The following KIAA1217 variants were observed in gnomAD, a reference collection of about 807,000 sequenced individuals.
The protein encoded by KIAA1217 is KIAA1217.
KIAA1217 carries 88 observed loss-of-function variants against 163.9 expected under a neutral mutation model. The ratio of observed to expected loss-of-function variants is 0.54; its 90% CI spans 0.45 to 0.64. The LOEUF (loss-of-function observed/expected upper bound fraction) is 0.64. Among genes scored for constraint, KIAA1217 ranks in the 30% least tolerant of loss-of-function variants. KIAA1217 has a pLI of 0.00. For synonymous variants in KIAA1217, 903 were observed against 923.1 expected (o/e 0.98, Z 0.39); for missense variants, 2,372 against 2,475.0 (o/e 0.96, Z 0.88).
intron 1 of KIAA1217, among the ~76,000 whole-genome samples, chr10:24,216,019 G>A (rs767780082): frequency 2.6e-5 from 4 of 152,162 alleles, no homozygotes; most frequent in East Asian, 1.9e-4. Flanking sequence ...ATCAATCCTT[G>A]TTAAGCAACT....
chr10:24,355,909 C>T (rs559824438), intron 2 of KIAA1217, among the ~76,000 whole-genome samples: 13 of 151,192 alleles, frequency 8.6e-5, no homozygotes, highest in East Asian at 5.9e-4. Flanking sequence ...CCACCACGCC[C>T]GGCTAATTTT....
chr10:23,863,012 C>T (rs960896845), intron 1 of KIAA1217, among the ~76,000 whole-genome samples: 7 of 152,206 alleles, frequency 4.6e-5, no homozygotes, highest in African/African-American at 1.4e-4. Flanking sequence ...AGATTCTTAG[C>T]GACCCTTAAT....
chr10:23,938,943 T>C (rs1308219740), intron 1 of KIAA1217, among the ~76,000 whole-genome samples: 3 of 152,118 alleles, frequency 2.0e-5, no homozygotes, highest in Non-Finnish European at 4.4e-5. Context: ...AATCCAAAAA[T>C]AACACAGAAG....
At chr10:24,544,862 C>T in intron 19 of KIAA1217, 119 bp from the exon 20 acceptor site, 4 of 1,093,614 alleles carry the variant, frequency 3.7e-6, no homozygotes, top group Non-Finnish European at 5.4e-6. Context: ...TAGATCTGTC[C>T]TGCATGTAGG....
chr10:24,286,223 A>C (rs2078526758), intron 2 of KIAA1217, among the ~76,000 whole-genome samples: 1 of 151,850 alleles, frequency 6.6e-6, no homozygotes, highest in South Asian at 2.1e-4. Flanking sequence ...CATTTTTTTA[A>C]TTGGTTTTTT....
At chr10:23,814,056 C>T (rs981273349) in intron 1 of KIAA1217, among the ~76,000 whole-genome samples, 5 of 152,110 alleles carry the variant, frequency 3.3e-5, no homozygotes, top group African/African-American at 1.2e-4. Context: ...TCAAAATTCA[C>T]TTAAAGAGAC....
At chr10:24,244,561 CTTTTTTT>C (rs11318420) in intron 2 of KIAA1217, among the ~76,000 whole-genome samples, 1 of 85,314 alleles carries the variant, frequency 1.2e-5, no homozygotes, top group Non-Finnish European at 2.4e-5. Context: ...TTCTTTCTTT[CTTTTTTT>C]TTTTTTTTTT....
intron 1 of KIAA1217, among the ~76,000 whole-genome samples, chr10:23,712,365 T>C (rs1837313521): frequency 6.6e-6 from 1 of 151,640 alleles, no homozygotes; most frequent in Non-Finnish European, 1.5e-5. Context: ...CTCAGTATGA[T>C]AGTCAGCAGC....
chr10:23,784,000 C>T (rs1835374189), intron 1 of KIAA1217, among the ~76,000 whole-genome samples: 1 of 151,302 alleles, frequency 6.6e-6, no homozygotes, highest in Admixed American at 6.6e-5. Flanking sequence ...TAAAAAAAAA[C>T]TTTTGTTGGT....
At chr10:23,976,053 C>T (rs1394162222) in intron 1 of KIAA1217, among the ~76,000 whole-genome samples, 1 of 152,162 alleles carries the variant, frequency 6.6e-6, no homozygotes, top group East Asian at 1.9e-4. Flanking sequence ...AGACTCCCAG[C>T]TCAATGTCAA....
intron 5 of KIAA1217, among the ~76,000 whole-genome samples, chr10:24,440,403 C>T (rs553321311): frequency 4.6e-5 from 7 of 152,182 alleles, no homozygotes; most frequent in Non-Finnish European, 7.3e-5. Flanking sequence ...CCTGGAGTTC[C>T]ATGGTGCTGA....
At chr10:23,864,276 AT>A (rs1840083321) in intron 1 of KIAA1217, among the ~76,000 whole-genome samples, 1 of 151,542 alleles carries the variant, frequency 6.6e-6, no homozygotes, top group Non-Finnish European at 1.5e-5. Context: ...TTCTCTTAAA[AT>A]TTTTCTTACT....
At chr10:23,764,196 T>C (rs114045702) in intron 1 of KIAA1217, among the ~76,000 whole-genome samples, 1 of 151,884 alleles carries the variant, frequency 6.6e-6, no homozygotes, top group Non-Finnish European at 1.5e-5. Context: ...AACTAACATA[T>C]GAAAAAAAGC....
At chr10:23,950,161 G>T (rs1473012801) in intron 1 of KIAA1217, among the ~76,000 whole-genome samples, 1 of 152,128 alleles carries the variant, frequency 6.6e-6, no homozygotes, top group African/African-American at 2.4e-5. Context: ...TGATAGTAGT[G>T]GTGATTTGTA....
chr10:23,901,760 A>C (rs1378705257), intron 1 of KIAA1217, among the ~76,000 whole-genome samples: 1 of 151,724 alleles, frequency 6.6e-6, no homozygotes, highest in Non-Finnish European at 1.5e-5. Flanking sequence ...TACAAAAGAA[A>C]ATTAGTGTGG....
chr10:24,520,044 G>GAGAC (rs1414682088), intron 10 of KIAA1217, 79 bp from the exon 11 acceptor site: 2 of 1,470,124 alleles, frequency 1.4e-6, no homozygotes, highest in African/African-American at 2.8e-5. Context: ...ATCAGAGGCT[G>GAGAC]AGACGGGCAC....
chr10:24,545,505 G>A (rs1389725238), intron 20 of KIAA1217: 8 of 1,284,732 alleles, frequency 6.2e-6, no homozygotes, highest in African/African-American at 3.0e-5. Context: ...TTAACACTCC[G>A]TCACAATGCC....
intron 2 of KIAA1217, among the ~76,000 whole-genome samples, chr10:24,299,485 A>C (rs1216526314): frequency 1.3e-5 from 2 of 151,820 alleles, no homozygotes; most frequent in African/African-American, 4.8e-5. Context: ...TGCAGCCTTG[A>C]CCTCCCTGGC....
chr10:23,854,747 T>A (rs1385116511), intron 1 of KIAA1217, among the ~76,000 whole-genome samples: 1 of 152,246 alleles, frequency 6.6e-6, no homozygotes, highest in Non-Finnish European at 1.5e-5. Flanking sequence ...CTTGTTGAAT[T>A]GGTCCCTTTA....
Sources: gnomAD v4.1 joint callset for allele counts (sites outside exome capture counted in the v4.1 genomes callset) on GRCh38, gnomAD v4.1.1 for gene constraint, MANE v1.5 for transcripts, NCBI Gene and HGNC (gene_info 2026-07-23, HGNC 2026-07-21) for gene names.